Variants in MS4A12 observed in about 807,000 individuals in gnomAD.
MS4A12 encodes membrane-spanning 4-domains subfamily A member 12.
Under a neutral mutation model 23.7 loss-of-function variants are expected in MS4A12, and 28 were observed. The observed-to-expected ratio is 1.18, with a 90% CI of 0.88 to 1.62. MS4A12 has a LOEUF of 1.62. Ranked by LOEUF, MS4A12 falls within the 40% of genes most tolerant of loss-of-function variation. The probability of loss-of-function intolerance (pLI) is 0.00; values close to 1 mark genes in which losing one functional copy is unlikely to be tolerated. For missense variants in MS4A12, 342 were observed against 327.0 expected, an observed-to-expected ratio of 1.05 and a Z score of -0.35; for synonymous variants, 108 against 110.1, an observed-to-expected ratio of 0.98 and a Z score of 0.12.
At chr11:60,504,885 G>A (rs948659680) in intron 5 of MS4A12, among the ~76,000 whole-genome samples, 2 of 152,060 alleles carry the variant, frequency 1.3e-5, no homozygotes, top group Admixed American at 6.5e-5. Context: ...CCTAGAGTAT[G>A]TTCTTTGAAG....
In MS4A12 at chr11:60,502,059, C is replaced by A. The variant is rs756157617; in HGVS notation, c.471+20C>A. On this transcript the variant is annotated intron_variant, in intron 4 of 6. Transcript: ENST00000016913. ...TGTCTGGTAAGTTAGACTGTCTCTA[C>A]TTTTTGAACCCCTTTAAAGATTAGC... The A allele has an allele frequency of 5.7e-5, 91 of 1,590,046 alleles. No homozygotes were observed. Among genetic ancestry groups the A allele is most frequent in the Non-Finnish European group, 7.7e-5 (89 of 1,159,038 alleles).
Position 60,492,810 on chromosome 11 carries a change from G to C in MS4A12, c.-25G>C, listed in dbSNP as rs1163212354. On this transcript the variant is annotated 5_prime_UTR_variant, in exon 1 of 7. Transcript: ENST00000016913. ...TTGGAGCAGAGAAAGAGGAAACATA[G>C]AGGTGCCAAAGGAACAAAGTAAGTC... is the stretch of plus-strand genomic sequence containing the variant. The C allele has an allele frequency of 6.6e-6, 1 of 152,204 alleles. No homozygotes were observed. The highest frequency in any genetic ancestry group is 1.5e-5 in the Non-Finnish European group (1 of 68,046). The allele number at this position is 152,204 out of a possible 1,614,324, so 9.4% of individuals were successfully genotyped here. A position where few individuals can be genotyped will look rare whatever the true frequency, so the allele number is the denominator to read the frequency against.
chr11:60,500,602 T>A (rs917514943), intron 2 of MS4A12, among the ~76,000 whole-genome samples: 2 of 152,322 alleles, frequency 1.3e-5, no homozygotes, highest in African/African-American at 4.8e-5. Flanking sequence ...ACCAAGCACA[T>A]AATTCATGCC....
chr11:60,493,114 A>G (rs957022824), intron 1 of MS4A12: 5 of 152,162 alleles, frequency 3.3e-5, no homozygotes, highest in African/African-American at 1.2e-4. Context: ...GGTGGCTCAC[A>G]CCTGTAAACC....
At chr11:60,497,248 G>T (rs2086493947) in intron 1 of MS4A12, 65 bp from the exon 2 acceptor site, 9 of 1,485,442 alleles carry the variant, frequency 6.1e-6, no homozygotes, top group Non-Finnish European at 8.2e-6. Context: ...TTGACATTTG[G>T]TAAGATTTTC....
At chr11:60,497,794 A>G in intron 2 of MS4A12, 200 bp downstream of exon 2, 4 of 587,214 alleles carry the variant, frequency 6.8e-6, no homozygotes, top group Non-Finnish European at 1.1e-5. Context: ...AACAAGACAC[A>G]GAGGAGCCTC....
intron 5 of MS4A12, among the ~76,000 whole-genome samples, chr11:60,506,163 A>AGG (rs1374766581): frequency 6.6e-5 from 10 of 152,228 alleles, no homozygotes; most frequent in Non-Finnish European, 1.2e-4. Context: ...ACCTGATCAA[A>AGG]TAGAAAGCCT....
intron 3 of MS4A12, among the ~76,000 whole-genome samples, chr11:60,501,711 A>T (rs72928745): frequency 2.5e-3 from 384 of 152,294 alleles, no homozygotes; most frequent in Non-Finnish European, 4.6e-3. Flanking sequence ...AAAAAAATGC[A>T]ATTGATTATG....
chr11:60,501,247 G>A, intron 3 of MS4A12, 65 bp downstream of exon 3: 1 of 1,464,692 alleles, frequency 6.8e-7, no homozygotes, highest in Non-Finnish European at 9.1e-7. Context: ...GGTTTATAAA[G>A]TATTGCTATC....
chr11:60,504,739 T>C (rs968321590), intron 5 of MS4A12, among the ~76,000 whole-genome samples: 1 of 152,210 alleles, frequency 6.6e-6, no homozygotes, highest in Non-Finnish European at 1.5e-5. Context: ...ACTGTGTAAG[T>C]AATTCTATTT....
At chr11:60,500,222 T>C (rs7933244) in intron 2 of MS4A12, among the ~76,000 whole-genome samples, 83,753 of 143,328 alleles carry the variant, frequency 0.58, 24,103 homozygotes, top group Admixed American at 0.66. Context: ...GCCTGGGCAA[T>C]AGAGCAAGAC....
rs574395626 is a variant in MS4A12, at chr11:60,498,801, G to T, written c.276+1207G>T. Among the ~76,000 whole-genome samples the T allele has an allele frequency of 7.3e-4, 111 of 152,336 alleles. 1 individual carries two copies. The highest frequency in any genetic ancestry group is 2.6e-3 in the African/African-American group (108 of 41,578). ...CATGACATTTGAGCAAAAACCTGAA[G>T]TTAGGAGTGAGCCCTGCAGATATTA... On this transcript the variant is annotated intron_variant, in intron 2 of 6. Transcript: ENST00000016913.
intron 2 of MS4A12, 171 bp downstream of exon 2, chr11:60,497,765 T>G: frequency 1.3e-6 from 1 of 756,388 alleles, no homozygotes; most frequent in South Asian, 2.0e-5. Flanking sequence ...TCATTTCATT[T>G]TAGATCAAGC....
chr11:60,498,490 C>T lies in MS4A12; in HGVS notation c.276+896C>T, dbSNP rs552728360. Among the ~76,000 whole-genome samples the T allele has an allele frequency of 7.2e-5, 11 of 152,222 alleles. No homozygotes were observed. The South Asian group carries it at 1.2e-3, about 17-fold the overall frequency. On this transcript the variant is annotated intron_variant, in intron 2 of 6. Transcript: ENST00000016913. ...CTCCTCCTCCCAGATAGAGGAAATT[C>T]CCTGCTCCTAATAAGCCAATGGGAC...
intron 1 of MS4A12, 126 bp from the exon 2 acceptor site, chr11:60,497,187 T>C: frequency 9.1e-7 from 1 of 1,094,258 alleles, no homozygotes; most frequent in South Asian, 1.6e-5. Flanking sequence ...TCAGTTGTTA[T>C]GGCCCATTAT....
rs562302627 is a variant in MS4A12, at chr11:60,507,356, C to T, written c.*232C>T. 4 of 490,212 alleles carry T rather than the reference C, an allele frequency of 8.2e-6. No individual in the cohort carries two copies. Among genetic ancestry groups the T allele is most frequent in the African/African-American group, 1.9e-5 (1 of 51,594 alleles). The allele number at this position is 490,212 out of a possible 1,614,324, so 30.4% of individuals were successfully genotyped here. ...AGGATCAGAGGACTGAAAAATGATT[C>T]TGCAACTCTCTTAAAGTTAGAAATG... On this transcript the variant is annotated 3_prime_UTR_variant, in exon 7 of 7. Coordinates refer to ENST00000016913, the MANE Select transcript of MS4A12 (RefSeq NM_017716.3).
intron 1 of MS4A12, among the ~76,000 whole-genome samples, chr11:60,493,677 T>C (rs1305456269): frequency 6.6e-6 from 1 of 152,234 alleles, no homozygotes; most frequent in Non-Finnish European, 1.5e-5. Context: ...AGTGTATACC[T>C]GTGGATGTAC....
chr11:60,497,358 G>T lies in MS4A12; in HGVS notation c.40G>T (p.Glu14Ter). The change falls in exon 2 of 7, where the codon GAA becomes TAA. Residue 14 changes from glutamate (E) to a stop codon, truncating the protein, a stop_gained. Transcript: ENST00000016913. LOFTEE classifies it high-confidence loss of function. ...GCCAACAAGCCATGCTGAAGTAAAT[G>T]AAACCATACCCAACCCTTACCCACC... is the stretch of plus-strand genomic sequence containing the variant. The part of the protein sequence containing the change: ...SKPTSHAEVN[E>*]TIPNPYPPSS... The T allele has an allele frequency of 6.2e-7, 1 of 1,614,082 alleles. No individual in the cohort carries two copies. Among genetic ancestry groups the T allele is most frequent in the Non-Finnish European group, 8.5e-7 (1 of 1,180,014 alleles).
intron 4 of MS4A12, 76 bp downstream of exon 4, chr11:60,502,115 T>C (rs1590862251): frequency 1.4e-6 from 2 of 1,446,388 alleles, no homozygotes; most frequent in East Asian, 2.3e-5. Flanking sequence ...ATTGAAAAGC[T>C]GGATTTGGGA....
Sources: gnomAD v4.1 joint callset for allele counts (sites outside exome capture counted in the v4.1 genomes callset) on GRCh38, gnomAD v4.1.1 for gene constraint, MANE v1.5 for transcripts, NCBI Gene and HGNC (gene_info 2026-07-23, HGNC 2026-07-21) for gene names.